Variants in SCN1A observed in about 807,000 individuals in gnomAD.
The protein encoded by SCN1A is sodium voltage-gated channel alpha subunit 1.
A neutral mutation model predicts 193.7 loss-of-function variants in SCN1A; 13 were observed. The observed-to-expected ratio is 0.07, with a 90% CI of 0.04 to 0.11. The LOEUF (loss-of-function observed/expected upper bound fraction) is 0.11, where lower values mean the gene tolerates loss of function less well. SCN1A is among the 10% of genes least tolerant of loss of function. The pLI is 1.00. For missense variants in SCN1A, 1,432 were observed against 2,451.1 expected (o/e 0.58, Z 8.78); for synonymous variants, 781 against 843.6 (o/e 0.93, Z 1.29).
In SCN1A at chr2:165,991,158, C is replaced by T; in HGVS notation, c.*87G>A. The T allele has an allele frequency of 8.2e-7, 1 of 1,217,328 alleles. No homozygotes were observed. Among genetic ancestry groups the T allele is most frequent in the Non-Finnish European group, 1.2e-6 (1 of 860,544 alleles). 75.4% of individuals were successfully genotyped at this position (1,217,328 alleles called of 1,614,324 possible). ...GTAAAAACAGTCAGTTTGGCATTGA[C>T]CTCCTAAAGGAGTCCTGTTGATAAA... On this transcript the variant is annotated 3_prime_UTR_variant, in exon 29 of 29. Transcript: ENST00000674923.
intron 1 of SCN1A, among the ~76,000 whole-genome samples, chr2:166,144,639 A>G (rs564324173): frequency 1.3e-5 from 2 of 152,174 alleles, no homozygotes; most frequent in African/African-American, 4.8e-5. Flanking sequence ...GAGCAGGAAG[A>G]CTCTTGAGAC....
At chr2:166,125,569 T>A (rs1370334861) in intron 2 of SCN1A, among the ~76,000 whole-genome samples, 1 of 152,210 alleles carries the variant, frequency 6.6e-6, no homozygotes, top group East Asian at 1.9e-4. Context: ...GTGTTTACCC[T>A]CTCTGATTGT....
intron 19 of SCN1A, among the ~76,000 whole-genome samples, chr2:166,026,679 C>CTTTTTT (rs35750460): frequency 4.7e-4 from 46 of 97,706 alleles, no homozygotes; most frequent in East Asian, 9.2e-4. Flanking sequence ...TTCTTTCTTT[C>CTTTTTT]TTTTTTTTTT....
chr2:166,007,793 T>C (rs759161255), intron 23 of SCN1A, among the ~76,000 whole-genome samples: 3 of 151,458 alleles, frequency 2.0e-5, no homozygotes, highest in Non-Finnish European at 4.4e-5. Flanking sequence ...TGTGATTTTA[T>C]GCTGCTAGGG....
At chr2:166,095,670 G>A (rs1464535556) in intron 2 of SCN1A, among the ~76,000 whole-genome samples, 1 of 152,074 alleles carries the variant, frequency 6.6e-6, no homozygotes, top group African/African-American at 2.4e-5. Context: ...TTTGTTCTTG[G>A]TTCAAAATAT....
At chr2:166,087,362 A>C (rs1284208904) in intron 2 of SCN1A, among the ~76,000 whole-genome samples, 1 of 152,058 alleles carries the variant, frequency 6.6e-6, no homozygotes, top group Non-Finnish European at 1.5e-5. Flanking sequence ...GCTACTTGGG[A>C]GGATGAGGCA....
chr2:166,121,322 A>T (rs1426694881), intron 2 of SCN1A, among the ~76,000 whole-genome samples: 1 of 152,134 alleles, frequency 6.6e-6, no homozygotes, highest in Non-Finnish European at 1.5e-5. Context: ...TCTTTTGAAG[A>T]CATTGCTTTT....
chr2:166,137,764 A>T (rs1242777740), intron 1 of SCN1A: 1 of 152,530 alleles, frequency 6.6e-6, no homozygotes, highest in Non-Finnish European at 1.5e-5. Flanking sequence ...ATTCCCAAAA[A>T]TGTGGAAGCC....
At chr2:166,023,882 TC>T (rs1007262903) in intron 19 of SCN1A, among the ~76,000 whole-genome samples, 16 of 152,034 alleles carry the variant, frequency 1.1e-4, no homozygotes, top group African/African-American at 3.6e-4. Flanking sequence ...CTCAAGCGAT[TC>T]CCCTGCCTCA....
intron 19 of SCN1A, among the ~76,000 whole-genome samples, chr2:166,029,501 T>TA (rs1251115289): frequency 2.0e-5 from 3 of 152,142 alleles, no homozygotes; most frequent in African/African-American, 7.2e-5. Context: ...TGCCATCTCT[T>TA]AGAGACTATG....
In SCN1A at chr2:166,031,003, A is replaced by T. The variant is rs975962950; in HGVS notation, c.3429+5045T>A. On this transcript the variant is annotated intron_variant, in intron 19 of 28. Coordinates refer to ENST00000674923, the MANE Select transcript of SCN1A (RefSeq NM_001165963.4). ...TATTATTAATGTTCAATAAAAATTC[A>T]TGTTTCTAGCTTATCATTATTCCTA... 2.1e-4 allele frequency among the ~76,000 whole-genome samples: 32 copies of T among 152,090 alleles called. 1 individual carries two copies.
chr2:166,002,951 T>G (rs994421218), intron 23 of SCN1A, 198 bp from the exon 24 acceptor site: 1 of 422,132 alleles, frequency 2.4e-6, no homozygotes, highest in African/African-American at 2.1e-5. Context: ...AAAACAACTA[T>G]AGGCAATATA....
At chr2:166,057,818 A>G (rs372622043) in intron 5 of SCN1A, among the ~76,000 whole-genome samples, 1 of 152,070 alleles carries the variant, frequency 6.6e-6, no homozygotes, top group South Asian at 2.1e-4. Context: ...ACAAGATACA[A>G]TCAGAAGTGA....
At chr2:166,102,301 CCTGA>C (rs1176507343) in intron 2 of SCN1A, among the ~76,000 whole-genome samples, 4 of 152,016 alleles carry the variant, frequency 2.6e-5, no homozygotes, top group Non-Finnish European at 5.9e-5. Context: ...TCGAGACCAT[CCTGA>C]CTAACACGGT....
At chr2:166,012,612 C>CTTT (rs60890420) in intron 21 of SCN1A, among the ~76,000 whole-genome samples, 63 of 77,204 alleles carry the variant, frequency 8.2e-4, no homozygotes, top group East Asian at 2.4e-3. Context: ...CTTCTATTGG[C>CTTT]TTTTTTTTTT....
intron 4 of SCN1A, among the ~76,000 whole-genome samples, 189 bp from the exon 5 acceptor site, chr2:166,058,877 A>G (rs1682983302): frequency 6.6e-6 from 1 of 152,104 alleles, no homozygotes; most frequent in African/African-American, 2.4e-5. Context: ...AGGAAATCCA[A>G]TGATACCACT....
intron 4 of SCN1A, among the ~76,000 whole-genome samples, chr2:166,062,843 C>G (rs1015525846): frequency 1.4e-5 from 2 of 144,318 alleles, no homozygotes; most frequent in African/African-American, 2.5e-5. Flanking sequence ...TCTTAGCATC[C>G]TTTAAATCTA....
intron 2 of SCN1A, among the ~76,000 whole-genome samples, chr2:166,097,046 G>A (rs1441889205): frequency 6.6e-6 from 1 of 151,296 alleles, no homozygotes; most frequent in Non-Finnish European, 1.5e-5. Flanking sequence ...TTTGGAGACG[G>A]GGTCAGGCTC....
rs1288444595 is a variant in SCN1A, at chr2:165,991,425, C to T, written c.5850G>A (p.Gly1950=). The part of the protein sequence containing the change: ...FTYNKNKIKG[G]ANLLIKEDMI... ...TGTCTTCTTTTATAAGAAGATTAGCCCCACCTTTGATTTTGTTTTTATTGT... is the reference window on the plus strand; with the variant it reads ...TGTCTTCTTTTATAAGAAGATTAGCTCCACCTTTGATTTTGTTTTTATTGT... The change falls in exon 29 of 29, where the codon GGG becomes GGA. Residue 1950 remains glycine (G), a synonymous_variant. Coordinates refer to ENST00000674923, the MANE Select transcript of SCN1A (RefSeq NM_001165963.4). 1.9e-6 allele frequency: 3 copies of T among 1,613,702 alleles called. No homozygotes were observed. The highest frequency in any genetic ancestry group is 4.5e-5 in the East Asian group (2 of 44,844).
Sources: gnomAD v4.1 joint callset for allele counts (sites outside exome capture counted in the v4.1 genomes callset) on GRCh38, gnomAD v4.1.1 for gene constraint, MANE v1.5 for transcripts, NCBI Gene and HGNC (gene_info 2026-07-23, HGNC 2026-07-21) for gene names.